RANBP2: variants seen among roughly 807,000 people sequenced by gnomAD.
The protein encoded by RANBP2 is RAN binding protein 2, also known as E3 SUMO-protein ligase RanBP2.
RANBP2 carries 57 observed loss-of-function variants against 303.6 expected under a neutral mutation model. The observed-to-expected ratio is 0.19, with a 90% CI of 0.15 to 0.23. The LOEUF (loss-of-function observed/expected upper bound fraction) is 0.23, where lower values mean the gene tolerates loss of function less well. Among genes scored for constraint, RANBP2 ranks in the 10% least tolerant of loss-of-function variants. RANBP2 has a pLI of 1.00. For synonymous variants in RANBP2, 1,167 were observed against 1,301.5 expected (o/e 0.90, Z 2.23); for missense variants, 3,138 against 3,780.8 (o/e 0.83, Z 4.46).
the RANBP2 span, among the ~76,000 whole-genome samples, chr2:109,498,337 G>A: frequency 6.6e-6 from 1 of 152,152 alleles, no homozygotes; most frequent in Admixed American, 6.5e-5. Context: ...GCACCCCCAA[G>A]TCAGCCTCAG....
chr2:109,541,338 T>C, the RANBP2 span, among the ~76,000 whole-genome samples: 1 of 152,262 alleles, frequency 6.6e-6, no homozygotes, highest in Non-Finnish European at 1.5e-5. Flanking sequence ...GGGCTATTCA[T>C]TTGGATTTAT....
chr2:109,658,587 C>T, the RANBP2 span, among the ~76,000 whole-genome samples: 1 of 152,142 alleles, frequency 6.6e-6, no homozygotes, highest in African/African-American at 2.4e-5. Context: ...CAGAAATTGG[C>T]AAATGACATC....
chr2:109,018,174 G>T, the RANBP2 span, among the ~76,000 whole-genome samples: 2 of 152,186 alleles, frequency 1.3e-5, no homozygotes, highest in African/African-American at 4.8e-5. Flanking sequence ...GACGACTTCA[G>T]TGAAATGGAG....
chr2:109,562,117 G>C, the RANBP2 span, among the ~76,000 whole-genome samples: 1 of 152,030 alleles, frequency 6.6e-6, no homozygotes, highest in African/African-American at 2.4e-5. Flanking sequence ...GGAGGCTGAG[G>C]CATGAGAATC....
the RANBP2 span, among the ~76,000 whole-genome samples, chr2:109,108,562 A>G: frequency 6.6e-6 from 1 of 152,192 alleles, no homozygotes; most frequent in African/African-American, 2.4e-5. Flanking sequence ...TGTTACACAC[A>G]TGGACTGGGG....
the RANBP2 span, among the ~76,000 whole-genome samples, chr2:108,851,447 GC>G: frequency 6.6e-6 from 1 of 152,012 alleles, no homozygotes; most frequent in South Asian, 2.1e-4. Flanking sequence ...GCTTACAGGT[GC>G]CTGCCACCAT....
the RANBP2 span, among the ~76,000 whole-genome samples, chr2:109,317,812 C>CT: frequency 8.5e-5 from 13 of 152,152 alleles, no homozygotes; most frequent in African/African-American, 3.1e-4. Context: ...TATCCTAGGA[C>CT]TTTAAGAACT....
the RANBP2 span, chr2:109,141,649 C>T: frequency 5.2e-5 from 8 of 154,836 alleles, no homozygotes; most frequent in South Asian, 2.0e-4. Flanking sequence ...AGAGTGATGA[C>T]GCCTGGGGAT....
chr2:109,084,298 A>C, the RANBP2 span, among the ~76,000 whole-genome samples: 6 of 152,258 alleles, frequency 3.9e-5, no homozygotes, highest in Non-Finnish European at 8.8e-5. Flanking sequence ...AAAAACATCT[A>C]GGAAAATCTT....
the RANBP2 span, among the ~76,000 whole-genome samples, chr2:109,130,673 C>G: frequency 1.3e-5 from 2 of 152,146 alleles, no homozygotes; most frequent in Non-Finnish European, 2.9e-5. Flanking sequence ...GCCTTTTGAC[C>G]CAGCCCTTTT....
the RANBP2 span, among the ~76,000 whole-genome samples, chr2:109,692,140 G>T: frequency 6.6e-6 from 1 of 152,146 alleles, no homozygotes; most frequent in African/African-American, 2.4e-5. Flanking sequence ...CACATTTTAG[G>T]TTTTTGTGTT....
the RANBP2 span, among the ~76,000 whole-genome samples, chr2:109,355,994 T>A: frequency 6.6e-6 from 1 of 152,300 alleles, no homozygotes; most frequent in Admixed American, 6.5e-5. Flanking sequence ...GAATCATTAT[T>A]GTTTCCAGAA....
At chr2:109,492,818 G>A in the RANBP2 span, among the ~76,000 whole-genome samples, 1 of 152,050 alleles carries the variant, frequency 6.6e-6, no homozygotes, top group African/African-American at 2.4e-5. Flanking sequence ...TTATCAGCTT[G>A]TGGACATCGT....
At chr2:109,283,911 C>A in the RANBP2 span, among the ~76,000 whole-genome samples, 541 of 152,294 alleles carry the variant, frequency 3.6e-3, 3 homozygotes, top group African/African-American at 0.012. Flanking sequence ...TATCAAATGA[C>A]CCCCAGATTC....
At chr2:109,296,781 T>C in the RANBP2 span, among the ~76,000 whole-genome samples, 2 of 152,116 alleles carry the variant, frequency 1.3e-5, no homozygotes, top group Non-Finnish European at 2.9e-5. Flanking sequence ...CGTGTGGGAA[T>C]AGGCAGTGGT....
At chr2:109,474,963 GGTTT>G in the RANBP2 span, among the ~76,000 whole-genome samples, 29 of 151,340 alleles carry the variant, frequency 1.9e-4, no homozygotes, top group African/African-American at 5.3e-4. Flanking sequence ...GTTTTGTTTG[GGTTT>G]TTTTTGTTTG....
chr2:109,333,531 T>G, the RANBP2 span, among the ~76,000 whole-genome samples: 2 of 152,200 alleles, frequency 1.3e-5, no homozygotes, highest in Non-Finnish European at 2.9e-5. Flanking sequence ...TAAGTAAAGT[T>G]TTATTGGAAC....
chr2:108,864,272 C>T, the RANBP2 span, among the ~76,000 whole-genome samples: 372 of 152,064 alleles, frequency 2.4e-3, 5 homozygotes, highest in African/African-American at 8.6e-3. Flanking sequence ...ATGATGAACA[C>T]GCTATTTTTA....
the RANBP2 span, among the ~76,000 whole-genome samples, chr2:109,557,594 T>C: frequency 1.3e-5 from 2 of 152,344 alleles, no homozygotes; most frequent in Middle Eastern, 3.4e-3. Context: ...CTTCTGCATA[T>C]TTTGCATCTC....
Sources: gnomAD v4.1 joint callset for allele counts (sites outside exome capture counted in the v4.1 genomes callset) on GRCh38, gnomAD v4.1.1 for gene constraint, MANE v1.5 for transcripts, NCBI Gene and HGNC (gene_info 2026-07-23, HGNC 2026-07-21) for gene names.